Variants in DTHD1 observed in about 807,000 individuals in gnomAD.
DTHD1 encodes death domain containing 1, also known as death domain-containing protein 1.
In DTHD1, 59 loss-of-function variants were observed where a neutral mutation model predicts 74.8. The observed-to-expected ratio is 0.79, with a 90% CI of 0.64 to 0.98. The LOEUF is 0.98. DTHD1 is among the 50% of genes least tolerant of loss of function. DTHD1 has a pLI of 0.00. For synonymous variants in DTHD1, 365 were observed against 371.1 expected, an observed-to-expected ratio of 0.98 and a Z score of 0.19; for missense variants, 1,051 against 1,065.4, an observed-to-expected ratio of 0.99 and a Z score of 0.19.
chr4:36,306,660 T>C (rs895545699), intron 6 of DTHD1, among the ~76,000 whole-genome samples: 1 of 152,212 alleles, frequency 6.6e-6, no homozygotes, highest in Non-Finnish European at 1.5e-5. Flanking sequence ...CTGTTCATAT[T>C]ATGCATATCT....
At chr4:36,310,313 A>C (rs1560801585) in intron 7 of DTHD1, among the ~76,000 whole-genome samples, 5 of 152,252 alleles carry the variant, frequency 3.3e-5, no homozygotes, top group Admixed American at 2.6e-4. Context: ...ATGAAGAGAA[A>C]GAGAAAAGGA....
At position 36,346,151 on chromosome 4, in the gene DTHD1, T is replaced by C. The variant is rs1326598235; in HGVS notation, c.*2327T>C. Among the ~76,000 whole-genome samples, 1 of 151,822 alleles carries C rather than the reference T, an allele frequency of 6.6e-6. No homozygotes were observed. The highest frequency in any genetic ancestry group is 2.4e-5 in the African/African-American group (1 of 41,334). On this transcript the variant is annotated 3_prime_UTR_variant, in exon 10 of 10. Coordinates refer to ENST00000639862, the MANE Select transcript of DTHD1 (RefSeq NM_001170700.3). The stretch of plus-strand genomic sequence containing the variant: ...ACACATATAGTTTCAGATCCACTTG[T>C]ACACTCTCACAAATGTCCTCGTTCA...
At chr4:36,288,181 C>T (rs1450168928) in intron 2 of DTHD1, among the ~76,000 whole-genome samples, 2 of 152,182 alleles carry the variant, frequency 1.3e-5, no homozygotes, top group Admixed American at 6.5e-5. Flanking sequence ...TCACTGCAAC[C>T]TCCACCTCCC....
intron 3 of DTHD1, among the ~76,000 whole-genome samples, chr4:36,292,212 G>C (rs1388250124): frequency 6.6e-6 from 1 of 152,140 alleles, no homozygotes; most frequent in African/African-American, 2.4e-5. Flanking sequence ...GTTTTGGCCA[G>C]TCTGTGTAAC....
At chr4:36,299,090 C>A (rs758639982) in intron 5 of DTHD1, among the ~76,000 whole-genome samples, 11 of 152,062 alleles carry the variant, frequency 7.2e-5, no homozygotes, top group Non-Finnish European at 1.6e-4. Context: ...GTCACTCATC[C>A]CCACCAAATT....
chr4:36,297,574 G>A (rs146258718), intron 5 of DTHD1, among the ~76,000 whole-genome samples: 1 of 152,034 alleles, frequency 6.6e-6, no homozygotes. Flanking sequence ...CAAGCAAAAG[G>A]GTTTTGGTTA....
At chr4:36,323,132 C>T (rs1358762367) in intron 8 of DTHD1, among the ~76,000 whole-genome samples, 7 of 152,188 alleles carry the variant, frequency 4.6e-5, no homozygotes, top group Admixed American at 1.3e-4. Context: ...TTACGTAAGC[C>T]ATCTGTTGAC....
Position 36,339,176 on chromosome 4 carries a change from A to C in DTHD1, c.2398+7A>C. 1 of 1,541,594 alleles carries C rather than the reference A, an allele frequency of 6.5e-7. No individual in the cohort carries two copies. The highest frequency in any genetic ancestry group is 2.0e-5 in the Admixed American group (1 of 50,642). The stretch of plus-strand genomic sequence containing the variant: ...GTTTCTAAGGATCCTGTAGGTGAGG[A>C]ATATTTGCTTTGTCATCATTATAGT... On this transcript the variant is annotated splice_region_variant and intron_variant, in intron 9 of 9. Coordinates refer to ENST00000639862, the MANE Select transcript of DTHD1 (RefSeq NM_001170700.3).
intron 9 of DTHD1, among the ~76,000 whole-genome samples, chr4:36,340,074 T>C (rs1469612786): frequency 2.1e-4 from 32 of 152,324 alleles, no homozygotes; most frequent in Non-Finnish European, 4.0e-4. Flanking sequence ...AGGATCCTTC[T>C]TATGGGTACT....
At chr4:36,302,202 C>T (rs1225697117) in intron 5 of DTHD1, among the ~76,000 whole-genome samples, 6 of 152,208 alleles carry the variant, frequency 3.9e-5, no homozygotes, top group African/African-American at 1.4e-4. Flanking sequence ...CAAACGAGGG[C>T]ATTGCATCAG....
intron 3 of DTHD1, among the ~76,000 whole-genome samples, chr4:36,291,572 TAA>T (rs1756081308): frequency 6.6e-6 from 1 of 152,244 alleles, no homozygotes; most frequent in Non-Finnish European, 1.5e-5. Flanking sequence ...CTTAGGCCTG[TAA>T]TCTCAGCGCT....
At chr4:36,305,219 G>T (rs1035205781) in intron 5 of DTHD1, among the ~76,000 whole-genome samples, 1 of 152,142 alleles carries the variant, frequency 6.6e-6, no homozygotes, top group East Asian at 1.9e-4. Flanking sequence ...ATTCTATGAT[G>T]TTGGTACTTG....
intron 8 of DTHD1, among the ~76,000 whole-genome samples, chr4:36,332,282 G>A (rs1482867313): frequency 2.0e-5 from 3 of 151,514 alleles, no homozygotes; most frequent in Non-Finnish European, 2.9e-5. Context: ...AGTATTCAAA[G>A]GTAGCATTTT....
intron 6 of DTHD1, among the ~76,000 whole-genome samples, chr4:36,307,724 C>A (rs1200709010): frequency 6.6e-6 from 1 of 152,196 alleles, no homozygotes; most frequent in Non-Finnish European, 1.5e-5. Flanking sequence ...TCATCTTTCT[C>A]TTCTATATTT....
At chr4:36,303,045 G>A (rs1253233399) in intron 5 of DTHD1, among the ~76,000 whole-genome samples, 2 of 152,096 alleles carry the variant, frequency 1.3e-5, no homozygotes, top group African/African-American at 4.8e-5. Flanking sequence ...ATTTTAATCT[G>A]TAGCCTCAGG....
rs150903588 is a variant in DTHD1, at chr4:36,308,511, T to A, written c.2095+18T>A. 8 of 1,523,094 alleles carry A rather than the reference T, an allele frequency of 5.3e-6. No homozygotes were observed. In the South Asian group the frequency reaches 8.7e-5, roughly 17 times the overall value. The allele number at this position is 1,523,094 out of a possible 1,614,324, so 94.3% of individuals were successfully genotyped here. On this transcript the variant is annotated intron_variant, in intron 7 of 9. Transcript: ENST00000639862. ...TGCTTCAAGTAAGTATAAAGAAATC[T>A]TTTTATATATTTTATTGGCTATAAG... is the stretch of plus-strand genomic sequence containing the variant.
intron 9 of DTHD1, among the ~76,000 whole-genome samples, chr4:36,342,280 G>T (rs997906349): frequency 1.3e-5 from 2 of 152,136 alleles, no homozygotes; most frequent in South Asian, 4.1e-4. Flanking sequence ...CCTTTTCCTT[G>T]TTTTCGCAGA....
intron 8 of DTHD1, among the ~76,000 whole-genome samples, chr4:36,324,132 TCTC>T (rs1330031355): frequency 6.6e-6 from 1 of 151,252 alleles, no homozygotes; most frequent in Non-Finnish European, 1.5e-5. Flanking sequence ...TTATTTCCCT[TCTC>T]CTCCCCCCCA....
rs557492738 is a variant in DTHD1 at position 36,284,656 on chromosome 4, T to C, written c.887+65T>C. Reference sequence around the variant, plus strand: ...CTTATATGTGTGTTTCTATAGTTAGTACATGTCTTAGTTCATTCAGGCTGC... The same window carrying C: ...CTTATATGTGTGTTTCTATAGTTAGCACATGTCTTAGTTCATTCAGGCTGC... On this transcript the variant is annotated intron_variant, in intron 2 of 9. Transcript: ENST00000639862. 6 of 1,235,966 alleles carry C rather than the reference T, an allele frequency of 4.9e-6. No homozygotes were observed. In the South Asian group the frequency reaches 9.8e-5, roughly 20 times the overall value. The allele number at this position is 1,235,966 out of a possible 1,614,324, so 76.6% of individuals were successfully genotyped here.
Sources: gnomAD v4.1 joint callset for allele counts (sites outside exome capture counted in the v4.1 genomes callset) on GRCh38, gnomAD v4.1.1 for gene constraint, MANE v1.5 for transcripts, NCBI Gene and HGNC (gene_info 2026-07-23, HGNC 2026-07-21) for gene names.